RBFOX1: variants seen among roughly 807,000 people sequenced by gnomAD.
RBFOX1 encodes the protein RNA binding fox-1 homolog 1.
In RBFOX1, 8 loss-of-function variants were observed where a neutral mutation model predicts 57.7. The ratio of observed to expected loss-of-function variants is 0.14; its 90% confidence interval spans 0.08 to 0.25. The LOEUF (loss-of-function observed/expected upper bound fraction) is 0.25. RBFOX1 is among the 10% of genes least tolerant of loss of function. The pLI, the probability that RBFOX1 is intolerant of heterozygous loss-of-function variation, is 1.00. For synonymous variants in RBFOX1, 326 were observed against 222.4 expected, an observed-to-expected ratio of 1.47 and a Z score of -4.15; for missense variants, 611 against 548.5, an observed-to-expected ratio of 1.11 and a Z score of -1.14.
chr16:5,383,426 A>C (rs1053984355), intron 1 of RBFOX1, among the ~76,000 whole-genome samples: 2 of 152,228 alleles, frequency 1.3e-5, no homozygotes, highest in Non-Finnish European at 2.9e-5. Flanking sequence ...CAGCACAGGC[A>C]CTACATTTGG....
At chr16:5,529,707 C>T (rs2044387897) in intron 2 of RBFOX1, among the ~76,000 whole-genome samples, 1 of 151,984 alleles carries the variant, frequency 6.6e-6, no homozygotes, top group Non-Finnish European at 1.5e-5. Flanking sequence ...GCTGGGATTA[C>T]AGGCTAGTGC....
intron 3 of RBFOX1, among the ~76,000 whole-genome samples, chr16:5,799,932 G>T (rs117557855): frequency 0.021 from 3,123 of 152,058 alleles, 46 homozygotes; most frequent in Middle Eastern, 0.038. Flanking sequence ...TGGGTGTTCT[G>T]TTTCATATAC....
intron 2 of RBFOX1, among the ~76,000 whole-genome samples, chr16:6,440,969 T>G (rs1439555363): frequency 6.6e-6 from 1 of 152,098 alleles, no homozygotes; most frequent in East Asian, 1.9e-4. Context: ...AGGCTGCGTC[T>G]GTGGAGTGTA....
intron 3 of RBFOX1, among the ~76,000 whole-genome samples, chr16:6,813,622 C>G (rs548800272): frequency 1.2e-4 from 18 of 152,308 alleles, no homozygotes; most frequent in Non-Finnish European, 2.1e-4. Flanking sequence ...CAAAATCAAT[C>G]TGAAGAACTG....
Position 6,481,921 on chromosome 16 carries a change from G to T in RBFOX1, c.-64+164864G>T, listed in dbSNP as rs570111017. Among the ~76,000 whole-genome samples, 5 of 151,268 alleles carry T rather than the reference G, an allele frequency of 3.3e-5. No individual in the cohort carries two copies. The East Asian group carries it at 9.7e-4, about 29-fold the overall frequency. On this transcript the variant is annotated intron_variant, in intron 2 of 15. Coordinates refer to ENST00000550418, the MANE Select transcript of RBFOX1 (RefSeq NM_018723.4). ...TTAAAAACACTCTTAATGCACAGAA[G>T]AAAAAAAAATCCCTCCTCGTTTTGT...
At chr16:5,864,788 C>G (rs2057307429) in intron 3 of RBFOX1, among the ~76,000 whole-genome samples, 1 of 152,056 alleles carries the variant, frequency 6.6e-6, no homozygotes, top group African/African-American at 2.4e-5. Flanking sequence ...CGTGTTTTGC[C>G]TGGGAAAAAC....
At chr16:6,717,691 G>T (rs1011624488) in intron 3 of RBFOX1, among the ~76,000 whole-genome samples, 3 of 151,940 alleles carry the variant, frequency 2.0e-5, no homozygotes, top group Non-Finnish European at 2.9e-5. Flanking sequence ...TGATAAACCA[G>T]TTGAAAGTGC....
chr16:5,470,429 C>T (rs182153167), intron 2 of RBFOX1, among the ~76,000 whole-genome samples: 13 of 152,264 alleles, frequency 8.5e-5, no homozygotes, highest in South Asian at 6.2e-4. Flanking sequence ...CATTTGATTG[C>T]GTTGGTTTGT....
chr16:7,015,425 T>A (rs1037396735), intron 3 of RBFOX1, among the ~76,000 whole-genome samples: 1 of 152,160 alleles, frequency 6.6e-6, no homozygotes, highest in African/African-American at 2.4e-5. Flanking sequence ...ACTTATGGAA[T>A]CTGAATCTTC....
chr16:7,023,783 C>A (rs1024343029), intron 3 of RBFOX1, among the ~76,000 whole-genome samples: 1 of 151,994 alleles, frequency 6.6e-6, no homozygotes, highest in African/African-American at 2.4e-5. Context: ...CAAATACAGC[C>A]TCGGCATCCT....
At chr16:6,355,913 C>G (rs1168667489) in intron 2 of RBFOX1, among the ~76,000 whole-genome samples, 2 of 152,110 alleles carry the variant, frequency 1.3e-5, no homozygotes, top group African/African-American at 4.8e-5. Flanking sequence ...GGAGTTTTCA[C>G]AAAACAAAAT....
At position 7,232,084 on chromosome 16, in the gene RBFOX1, G is replaced by A. The variant is rs2093531218; in HGVS notation, c.27+179986G>A. ...TCTGTCACCCAGGCTAGATTGCAGT[G>A]GCACAATCGGCTCACTGCAAATTCC... On this transcript the variant is annotated intron_variant, in intron 4 of 15. Transcript: ENST00000550418. 2.0e-5 allele frequency among the ~76,000 whole-genome samples: 3 copies of A among 151,954 alleles called. 1 individual carries two copies. In the South Asian group the frequency reaches 6.2e-4, roughly 32 times the overall value.
At chr16:7,539,229 A>T (rs1507025) in intron 5 of RBFOX1, among the ~76,000 whole-genome samples, 1 of 151,930 alleles carries the variant, frequency 6.6e-6, no homozygotes. Context: ...GAGAAGATTA[A>T]GGAGGGAGGG....
intron 2 of RBFOX1, among the ~76,000 whole-genome samples, chr16:5,575,041 C>G (rs2046408158): frequency 6.6e-6 from 1 of 152,156 alleles, no homozygotes; most frequent in Non-Finnish European, 1.5e-5. Flanking sequence ...TTGTGATAAT[C>G]AGGGCCATTC....
intron 3 of RBFOX1, among the ~76,000 whole-genome samples, chr16:6,887,050 T>C (rs745901344): frequency 2.6e-5 from 4 of 152,212 alleles, no homozygotes; most frequent in Non-Finnish European, 5.9e-5. Context: ...GTCTCCATAC[T>C]TGGTTGTATT....
rs539934371 is a variant in RBFOX1 at position 5,508,054 on chromosome 16, C to T, written c.258+40800C>T. ...GGGGAAAAATGTAGAAGGGAAACCC[C>T]CATGGACAGTCCCCGGCCCCTCTGA... On this transcript the variant is annotated intron_variant, in intron 2 of 2. Transcript: ENST00000585867. 2.0e-5 allele frequency among the ~76,000 whole-genome samples: 3 copies of T among 152,310 alleles called. No homozygotes were observed. The South Asian group carries it at 6.2e-4, about 32-fold the overall frequency.
At chr16:6,177,319 C>T (rs1032035948) in intron 1 of RBFOX1, among the ~76,000 whole-genome samples, 2 of 152,024 alleles carry the variant, frequency 1.3e-5, no homozygotes, top group Non-Finnish European at 2.9e-5. Flanking sequence ...CTTTGCCCTC[C>T]ACCCAATTTC....
intron 4 of RBFOX1, among the ~76,000 whole-genome samples, chr16:7,341,775 C>G (rs1269986344): frequency 9.1e-6 from 1 of 110,492 alleles, no homozygotes; most frequent in African/African-American, 3.6e-5. Context: ...TCCCTCCCTC[C>G]CTCCTTCCTT....
intron 2 of RBFOX1, among the ~76,000 whole-genome samples, chr16:6,535,496 C>G (rs891802848): frequency 3.3e-5 from 5 of 152,224 alleles, no homozygotes; most frequent in Non-Finnish European, 5.9e-5. Flanking sequence ...TGTTTTCACT[C>G]CCATTCCCTA....
Sources: allele counts gnomAD v4.1 joint callset (sites outside exome capture counted in the v4.1 genomes callset), GRCh38; gene constraint gnomAD v4.1.1; transcripts MANE v1.5; gene names NCBI Gene and HGNC (gene_info 2026-07-23, HGNC 2026-07-21).